The following DHX36 variants were observed in gnomAD, a reference collection of about 807,000 sequenced individuals.
The protein encoded by DHX36 is ATP-dependent DNA/RNA helicase DHX36.
DHX36 carries 50 observed loss-of-function variants against 139.0 expected under a neutral mutation model. That is an observed-to-expected ratio of 0.36 (90% CI 0.29 to 0.46). DHX36 has a LOEUF of 0.46. DHX36 is among the 20% of genes least tolerant of loss of function. DHX36 has a pLI of 1.00. For missense variants in DHX36, 1,024 were observed against 1,211.3 expected (o/e 0.85, Z 2.29); for synonymous variants, 425 against 401.9 (o/e 1.06, Z -0.69).
chr3:154,277,812 G>GT (rs1337214639), intron 22 of DHX36, 94 bp from the exon 23 acceptor site: 20 of 1,194,230 alleles, frequency 1.7e-5, no homozygotes, highest in Non-Finnish European at 2.1e-5. Context: ...GAAGAGCTTG[G>GT]TAAAAACCAA....
intron 16 of DHX36, 51 bp from the exon 17 acceptor site, chr3:154,289,015 G>T: frequency 1.1e-6 from 1 of 945,052 alleles, no homozygotes; most frequent in Non-Finnish European, 1.5e-6. Flanking sequence ...TAATATATTA[G>T]CATTACAACT....
chr3:154,287,943 G>A (rs1190750316), intron 17 of DHX36, among the ~76,000 whole-genome samples: 2 of 151,748 alleles, frequency 1.3e-5, no homozygotes, highest in African/African-American at 4.8e-5. Flanking sequence ...CAATTAATAA[G>A]AAAGGTTGGT....
intron 24 of DHX36, 87 bp from the exon 25 acceptor site, chr3:154,276,443 G>A: frequency 7.8e-7 from 1 of 1,277,374 alleles, no homozygotes; most frequent in Non-Finnish European, 1.1e-6. Context: ...CCTGATACAA[G>A]GAGTTTCACA....
intron 22 of DHX36, chr3:154,277,953 T>A (rs1306319097): frequency 6.3e-6 from 2 of 315,642 alleles, no homozygotes; most frequent in Non-Finnish European, 1.2e-5. Flanking sequence ...TATGAATAAT[T>A]TAAATCATGT....
At chr3:154,279,584 G>A (rs894847797) in intron 22 of DHX36, 1 of 152,072 alleles carries the variant, frequency 6.6e-6, no homozygotes, top group Non-Finnish European at 1.5e-5. Context: ...TTTATACCTT[G>A]GAATAGGGTT....
rs535618609 is a variant in DHX36 at position 154,318,726 on chromosome 3, G to A, written c.244-2563C>T. 2.0e-4 allele frequency among the ~76,000 whole-genome samples: 30 copies of A among 152,272 alleles called. No homozygotes were observed. In the South Asian group the frequency reaches 6.2e-3, roughly 32 times the overall value. On this transcript the variant is annotated intron_variant, in intron 1 of 24. Coordinates refer to ENST00000496811, the MANE Select transcript of DHX36 (RefSeq NM_020865.3). ...TTAGTTGAATTGTAGTACACCCAGT[G>A]GTTAACAGTGGGTAGATCTTTCTGC...
At chr3:154,293,672 AT>A in intron 14 of DHX36, 75 bp downstream of exon 14, 1 of 1,070,434 alleles carries the variant, frequency 9.3e-7, no homozygotes, top group Non-Finnish European at 1.4e-6. Context: ...GAGAAAAAAG[AT>A]TAAGGTATAT....
chr3:154,277,499 CAA>C (rs200516212), intron 23 of DHX36, 97 bp downstream of exon 23: 2 of 1,162,936 alleles, frequency 1.7e-6, no homozygotes, highest in South Asian at 2.5e-5. Context: ...TAAGACACAA[CAA>C]AAAAAAAATT....
intron 17 of DHX36, among the ~76,000 whole-genome samples, chr3:154,287,660 AAAAAT>A (rs1001256389): frequency 1.4e-4 from 22 of 151,986 alleles, no homozygotes; most frequent in African/African-American, 2.4e-4. Context: ...GACTCTCTCC[AAAAAT>A]AAAATAAAAT....
chr3:154,305,578 T>C (rs527844669), intron 6 of DHX36, among the ~76,000 whole-genome samples: 1 of 152,236 alleles, frequency 6.6e-6, no homozygotes, highest in African/African-American at 2.4e-5. Flanking sequence ...AAGACCAGCC[T>C]GGGCAACACA....
chr3:154,274,323 A>C lies in DHX36; in HGVS notation c.*1848T>G, dbSNP rs1002221796. The C allele has an allele frequency of 5.3e-6, 1 of 189,232 alleles. No individual in the cohort carries two copies. The highest frequency in any genetic ancestry group is 2.4e-5 in the African/African-American group (1 of 41,938). The allele number at this position is 189,232 out of a possible 1,614,324, so 11.7% of individuals were successfully genotyped here. A position where few individuals can be genotyped will look rare whatever the true frequency, so the allele number is the denominator to read the frequency against. ...ACACTGTCTCCAAAAAACAAAAAAC[A>C]AAACAAAACAAAACAAAAAACCAAC... is the stretch of plus-strand genomic sequence containing the variant. On this transcript the variant is annotated 3_prime_UTR_variant, in exon 25 of 25. Coordinates refer to ENST00000496811, the MANE Select transcript of DHX36 (RefSeq NM_020865.3).
Position 154,301,066 on chromosome 3 carries a change from C to T in DHX36, c.1279G>A (p.Val427Ile). 1 of 1,613,032 alleles carries T rather than the reference C, an allele frequency of 6.2e-7. No homozygotes were observed. Among genetic ancestry groups the T allele is most frequent in the South Asian group, 1.1e-5 (1 of 90,648 alleles). ...QFKRGFMQGH[V>I]NRQEKEEKEA... Reference sequence around the variant, plus strand: ...TTTTCTTCTTTTTCTTGTCTATTTACATGCCCTTGCATGAAACCCCTCTTA... The same window carrying T: ...TTTTCTTCTTTTTCTTGTCTATTTATATGCCCTTGCATGAAACCCCTCTTA... Residue 427 changes from valine (V) to isoleucine (I), a missense_variant, in exon 10 of 25, where the codon GTA becomes ATA. Physicochemically the swap from Val to Ile is conservative, Grantham distance 29. This residue lies in a region of DHX36 where 115 missense variants were observed against 105.6 expected (regional missense o/e 1.09). Coordinates refer to ENST00000496811, the MANE Select transcript of DHX36 (RefSeq NM_020865.3).
At chr3:154,291,260 T>G (rs1711800817) in intron 15 of DHX36, among the ~76,000 whole-genome samples, 1 of 151,496 alleles carries the variant, frequency 6.6e-6, no homozygotes. Context: ...TACAAAAGAC[T>G]GTTTTCCTTT....
At chr3:154,299,410 T>C (rs1259538218) in intron 12 of DHX36, among the ~76,000 whole-genome samples, 2 of 152,222 alleles carry the variant, frequency 1.3e-5, no homozygotes, top group East Asian at 1.9e-4. Context: ...CTAGAGTTTA[T>C]ATGTTTCAAA....
In DHX36 at chr3:154,304,867, A is replaced by G. The variant is rs1000625895; in HGVS notation, c.1074T>C (p.Ser358=). ...CACTCATCAATATTACTTTCAAGTC[A>G]GATCGAAAATTGAGAAGGTCTTTAA... ...TVVKDLLNFR[S]DLKVILMSAT... Residue 358 remains serine, a synonymous_variant, in exon 8 of 25, where the codon TCT becomes TCC. Transcript: ENST00000496811. 4 of 1,609,032 alleles carry G rather than the reference A, an allele frequency of 2.5e-6. No individual in the cohort carries two copies. In the African/African-American group the frequency reaches 5.4e-5, roughly 22 times the overall value.
At chr3:154,297,898 T>C (rs181398774) in intron 12 of DHX36, among the ~76,000 whole-genome samples, 264 of 152,188 alleles carry the variant, frequency 1.7e-3, no homozygotes, top group African/African-American at 6.0e-3. Context: ...TATACTCTTA[T>C]GAAAAGAAAA....
In DHX36 at chr3:154,315,167, G is replaced by T; in HGVS notation, c.482C>A (p.Ser161Ter). 1 of 1,613,070 alleles carries T rather than the reference G, an allele frequency of 6.2e-7. No individual in the cohort carries two copies. Among genetic ancestry groups the T allele is most frequent in the Non-Finnish European group, 8.5e-7 (1 of 1,179,398 alleles). ...EKKMFRIRNR[S>*]YIDRDSEYLL... is the part of the protein sequence containing the mutation. ...ATACTCAGAATCTCGGTCAATATATGATCTGTTCCTGATTCTAAACATTTT... is the reference window on the plus strand; with the variant it reads ...ATACTCAGAATCTCGGTCAATATATTATCTGTTCCTGATTCTAAACATTTT... The change falls in exon 3 of 25, where the codon TCA becomes TAA. Residue 161 changes from serine (S) to a stop codon, truncating the protein, a stop_gained. Transcript: ENST00000496811. LOFTEE classifies it high-confidence loss of function.
intron 2 of DHX36, 99 bp downstream of exon 2, chr3:154,315,940 A>G: frequency 7.2e-7 from 1 of 1,384,304 alleles, no homozygotes; most frequent in Non-Finnish European, 9.6e-7. Context: ...AAAAGTACGT[A>G]AAGGTTAAAA....
chr3:154,291,680 G>C (rs1711817513), intron 15 of DHX36, among the ~76,000 whole-genome samples: 1 of 152,096 alleles, frequency 6.6e-6, no homozygotes, highest in Admixed American at 6.5e-5. Context: ...TAAAACGAGG[G>C]GTTGATAAAT....
Sources: gnomAD v4.1 joint callset for allele counts (sites outside exome capture counted in the v4.1 genomes callset) on GRCh38, gnomAD v4.1.1 for gene constraint, gnomAD v4.1.1 regional missense constraint, MANE v1.5 for transcripts, NCBI Gene and HGNC (gene_info 2026-07-23, HGNC 2026-07-21) for gene names.